The following ETV1 variants were observed in gnomAD, a reference collection of about 807,000 sequenced individuals.
The protein encoded by ETV1 is ETS translocation variant 1.
ETV1 carries 27 observed loss-of-function variants against 62.3 expected under a neutral mutation model. That is an observed-to-expected ratio of 0.43 (90% CI 0.32 to 0.60). The LOEUF is 0.60. ETV1 is among the 20% of genes least tolerant of loss of function. The pLI is 0.06. For missense variants in ETV1, 605 were observed against 605.8 expected (o/e 1.00, Z 0.01); for synonymous variants, 222 against 199.6 (o/e 1.11, Z -0.94).
chr7:13,949,377 A>G (rs543952948), intron 6 of ETV1, among the ~76,000 whole-genome samples: 29 of 152,342 alleles, frequency 1.9e-4, no homozygotes, highest in Middle Eastern at 3.4e-3. Flanking sequence ...AATGACCTCA[A>G]TTAGTGCTCA....
chr7:13,989,769 A>G, upstream of ETV1: 1 of 396,260 alleles, frequency 2.5e-6, no homozygotes, highest in African/African-American at 2.1e-5. Flanking sequence ...CTCTTTCACA[A>G]GATCAGATTT....
rs545332503 is a variant in ETV1, at chr7:13,917,913, G to A, written c.803-6606C>T. ...CGGGAGGCGGAGCTTGCAGTGAGCCGAGATCATGCCACTGCACTCCAGCCT... is the reference window on the plus strand; with the variant it reads ...CGGGAGGCGGAGCTTGCAGTGAGCCAAGATCATGCCACTGCACTCCAGCCT... On this transcript the variant is annotated intron_variant, in intron 9 of 13. Coordinates refer to ENST00000430479, the MANE Select transcript of ETV1 (RefSeq NM_004956.5). Among the ~76,000 whole-genome samples, 16 of 152,016 alleles carry A rather than the reference G, an allele frequency of 1.1e-4. 1 individual carries two copies. The South Asian group carries it at 1.2e-3, about 12-fold the overall frequency.
chr7:13,983,222 G>C (rs925254339), intron 5 of ETV1, among the ~76,000 whole-genome samples: 1 of 151,868 alleles, frequency 6.6e-6, no homozygotes, highest in East Asian at 1.9e-4. Flanking sequence ...CATCTAGACC[G>C]GAAACAAAAT....
intron 4 of ETV1, 140 bp downstream of exon 4, chr7:13,987,946 G>T: frequency 1.7e-6 from 1 of 600,824 alleles, no homozygotes; most frequent in Non-Finnish European, 3.0e-6. Context: ...TATGTAAATC[G>T]TTCCAAGTTA....
intron 9 of ETV1, among the ~76,000 whole-genome samples, chr7:13,916,610 C>A (rs927223063): frequency 4.6e-5 from 7 of 152,060 alleles, no homozygotes; most frequent in African/African-American, 1.4e-4. Context: ...TGCACTCCAG[C>A]TGTGACAGAG....
chr7:13,963,965 A>G (rs1790479476), intron 6 of ETV1, among the ~76,000 whole-genome samples: 1 of 152,218 alleles, frequency 6.6e-6, no homozygotes, highest in Non-Finnish European at 1.5e-5. Flanking sequence ...AAAGGAAAAC[A>G]GGGATTGATT....
chr7:13,968,734 T>C (rs1583838837), intron 6 of ETV1, among the ~76,000 whole-genome samples: 1 of 151,962 alleles, frequency 6.6e-6, no homozygotes, highest in Admixed American at 6.6e-5. Context: ...ATCCTTTCTC[T>C]TTTCCTTCTG....
intron 12 of ETV1, among the ~76,000 whole-genome samples, chr7:13,903,876 T>A (rs1782692886): frequency 6.6e-6 from 1 of 152,134 alleles, no homozygotes; most frequent in Non-Finnish European, 1.5e-5. Context: ...TGTTAAAGAT[T>A]ATGCGTTTTC....
chr7:13,910,173 A>G (rs1007374743), intron 10 of ETV1, among the ~76,000 whole-genome samples: 2 of 149,352 alleles, frequency 1.3e-5, no homozygotes, highest in Admixed American at 6.7e-5. Flanking sequence ...AAATATTTAG[A>G]TGGGTTAACC....
At chr7:13,907,813 T>C (rs1462028613) in intron 11 of ETV1, 2 of 470,632 alleles carry the variant, frequency 4.2e-6, no homozygotes, top group Non-Finnish European at 4.4e-6. Flanking sequence ...TAGAGAGACA[T>C]ATACCTCTTA....
intron 5 of ETV1, among the ~76,000 whole-genome samples, chr7:13,981,408 T>G (rs1781970620): frequency 6.6e-6 from 1 of 152,094 alleles, no homozygotes; most frequent in African/African-American, 2.4e-5. Context: ...CAAGTAAACT[T>G]GGACTTGCAA....
intron 9 of ETV1, among the ~76,000 whole-genome samples, chr7:13,920,428 G>C (rs1784710287): frequency 7.2e-6 from 1 of 139,382 alleles, no homozygotes; most frequent in South Asian, 2.5e-4. Context: ...GGACATTCCA[G>C]AGAGAGTGAG....
At chr7:13,921,895 C>T (rs1342568224) in intron 9 of ETV1, among the ~76,000 whole-genome samples, 2 of 151,898 alleles carry the variant, frequency 1.3e-5, no homozygotes, top group African/African-American at 4.8e-5. Flanking sequence ...TAAAAATATT[C>T]AATATTTTCT....
At chr7:13,897,922 T>C (rs1782011288) in intron 13 of ETV1, among the ~76,000 whole-genome samples, 1 of 152,230 alleles carries the variant, frequency 6.6e-6, no homozygotes, top group African/African-American at 2.4e-5. Context: ...CTTTAAGTAC[T>C]GGACTTCCTT....
chr7:13,987,854 T>G (rs895982380), intron 4 of ETV1, among the ~76,000 whole-genome samples: 1 of 152,186 alleles, frequency 6.6e-6, no homozygotes, highest in Non-Finnish European at 1.5e-5. Flanking sequence ...TAAAAGAAGG[T>G]TGTCATTGAG....
Position 13,891,320 on chromosome 7 carries a change from G to A in ETV1, c.*4546C>T, listed in dbSNP as rs1167437466. On this transcript the variant is annotated 3_prime_UTR_variant, in exon 14 of 14. Transcript: ENST00000430479. ...TTTTCATAGCATGTTTTCTCAAACC[G>A]TAAGTATAATTTTAATACAACCAAG... The A allele has an allele frequency of 2.2e-5, 5 of 230,024 alleles. No individual in the cohort carries two copies. The highest frequency in any genetic ancestry group is 1.8e-4 in the South Asian group (1 of 5,492). 14.2% of individuals were successfully genotyped at this position (230,024 alleles called of 1,614,324 possible).
chr7:13,938,803 A>G (rs1156646141), intron 7 of ETV1, among the ~76,000 whole-genome samples: 1 of 152,240 alleles, frequency 6.6e-6, no homozygotes, highest in Non-Finnish European at 1.5e-5. Context: ...TCTAAAGTGT[A>G]TAATGCATTC....
intron 6 of ETV1, among the ~76,000 whole-genome samples, chr7:13,940,390 GAAAAAAAAA>G (rs1308407775): frequency 1.6e-5 from 2 of 123,960 alleles, no homozygotes; most frequent in Non-Finnish European, 3.6e-5. Context: ...AGAAAAAAAA[GAAAAAAAAA>G]GCTATATATT....
chr7:13,941,947 T>A (rs1251958878), intron 6 of ETV1, among the ~76,000 whole-genome samples: 1 of 151,772 alleles, frequency 6.6e-6, no homozygotes, highest in Admixed American at 6.6e-5. Flanking sequence ...CTGCGTGTTG[T>A]CTGTGTGTAG....
Sources: allele counts gnomAD v4.1 joint callset (sites outside exome capture counted in the v4.1 genomes callset), GRCh38; gene constraint gnomAD v4.1.1; transcripts MANE v1.5; gene names NCBI Gene and HGNC (gene_info 2026-07-23, HGNC 2026-07-21).